DPP10: variants seen among roughly 807,000 people sequenced by gnomAD.
DPP10 encodes the protein inactive dipeptidyl peptidase 10.
A neutral mutation model predicts 120.9 loss-of-function variants in DPP10; 33 were observed. The observed-to-expected ratio is 0.27, with a 90% CI of 0.21 to 0.37. The LOEUF (loss-of-function observed/expected upper bound fraction) is 0.37, where lower values mean the gene tolerates loss of function less well. Among genes scored for constraint, DPP10 ranks in the 10% least tolerant of loss-of-function variants. The pLI, the probability that DPP10 is intolerant of heterozygous loss-of-function variation, is 1.00. For synonymous variants in DPP10, 337 were observed against 326.1 expected, an observed-to-expected ratio of 1.03 and a Z score of -0.36; for missense variants, 816 against 942.8, an observed-to-expected ratio of 0.87 and a Z score of 1.76.
At chr2:115,685,708 G>A (rs964623296) in intron 5 of DPP10, among the ~76,000 whole-genome samples, 1 of 151,936 alleles carries the variant, frequency 6.6e-6, no homozygotes, top group African/African-American at 2.4e-5. Context: ...TTATTGTGGT[G>A]CCTGTATCAA....
intron 4 of DPP10, among the ~76,000 whole-genome samples, chr2:115,524,025 A>G (rs932829398): frequency 2.0e-5 from 3 of 152,184 alleles, no homozygotes; most frequent in Admixed American, 2.0e-4. Flanking sequence ...GCATTGCCAT[A>G]TGGTGATGTC....
At chr2:115,704,838 A>G (rs1437335882) in intron 7 of DPP10, among the ~76,000 whole-genome samples, 2 of 151,984 alleles carry the variant, frequency 1.3e-5, no homozygotes, top group Non-Finnish European at 2.9e-5. Flanking sequence ...CAAAGATAAA[A>G]ATTATCTTAT....
At chr2:115,544,287 A>G (rs1202898192) in intron 5 of DPP10, among the ~76,000 whole-genome samples, 1 of 152,018 alleles carries the variant, frequency 6.6e-6, no homozygotes, top group Non-Finnish European at 1.5e-5. Context: ...TTATAGTTTT[A>G]ATTTCTTGTT....
chr2:115,019,903 T>A (rs1289622700), intron 1 of DPP10, among the ~76,000 whole-genome samples: 1 of 152,194 alleles, frequency 6.6e-6, no homozygotes, highest in Admixed American at 6.5e-5. Flanking sequence ...AAATTTTGTA[T>A]CCAGTGAAAC....
intron 11 of DPP10, among the ~76,000 whole-genome samples, chr2:115,759,780 G>A (rs1209820538): frequency 1.3e-5 from 2 of 152,176 alleles, no homozygotes; most frequent in Non-Finnish European, 2.9e-5. Flanking sequence ...GGAGGCGGAG[G>A]CGGGCAGATC....
rs78838586 is a variant in DPP10 at position 114,528,957 on chromosome 2, G to A, written c.60+86119G>A. ...TTCTGTTTGACCCCTTTCCCCAGAT[G>A]TATTCTTTGTCCTCTGCCCTATTCT... On this transcript the variant is annotated intron_variant, in intron 1 of 25. Coordinates refer to ENST00000410059, the MANE Select transcript of DPP10 (RefSeq NM_020868.6). Among the ~76,000 whole-genome samples, 306 of 152,152 alleles carry A rather than the reference G, an allele frequency of 2.0e-3. 1 individual carries two copies. Among genetic ancestry groups the A allele is most frequent in the African/African-American group, 5.9e-3 (245 of 41,502 alleles).
At chr2:114,734,804 C>T (rs1039695285) in intron 1 of DPP10, among the ~76,000 whole-genome samples, 1 of 152,136 alleles carries the variant, frequency 6.6e-6, no homozygotes, top group East Asian at 1.9e-4. Context: ...TGGCATGGTT[C>T]AAGTATGAGT....
intron 1 of DPP10, among the ~76,000 whole-genome samples, chr2:115,160,246 C>T (rs2052210120): frequency 6.6e-6 from 1 of 151,888 alleles, no homozygotes; most frequent in African/African-American, 2.4e-5. Flanking sequence ...ACAATATGCA[C>T]TGGAATACAT....
intron 7 of DPP10, among the ~76,000 whole-genome samples, chr2:115,720,558 A>G: frequency 6.6e-6 from 1 of 151,046 alleles, no homozygotes; most frequent in East Asian, 1.9e-4. Flanking sequence ...TATCTCTGAT[A>G]AAAAATAACT....
chr2:115,501,946 AT>A (rs1441243614), intron 4 of DPP10, among the ~76,000 whole-genome samples: 2 of 152,072 alleles, frequency 1.3e-5, no homozygotes, highest in African/African-American at 4.8e-5. Context: ...TATAATAATA[AT>A]TAATTGGATC....
At chr2:115,800,286 G>A in intron 19 of DPP10, among the ~76,000 whole-genome samples, 1 of 143,756 alleles carries the variant, frequency 7.0e-6, no homozygotes, top group Non-Finnish European at 1.5e-5. Context: ...GGGGTTGTTT[G>A]TTTTTTTCTT....
At chr2:115,249,780 G>A (rs1247951576) in intron 1 of DPP10, among the ~76,000 whole-genome samples, 1 of 152,132 alleles carries the variant, frequency 6.6e-6, no homozygotes, top group African/African-American at 2.4e-5. Flanking sequence ...AGTATGAAAG[G>A]TTAACCTTAC....
At chr2:115,052,673 C>A (rs184785886) in intron 1 of DPP10, among the ~76,000 whole-genome samples, 2 of 152,090 alleles carry the variant, frequency 1.3e-5, no homozygotes, top group African/African-American at 4.8e-5. Context: ...GAAAACAGGC[C>A]GGGCGTGGTG....
intron 3 of DPP10, among the ~76,000 whole-genome samples, chr2:115,486,780 T>A (rs1011771966): frequency 1.3e-5 from 2 of 152,128 alleles, no homozygotes; most frequent in Non-Finnish European, 2.9e-5. Flanking sequence ...TTGCAAATAA[T>A]CCAAAGAATG....
chr2:114,480,202 A>C (rs1032989398), intron 1 of DPP10, among the ~76,000 whole-genome samples: 1 of 151,086 alleles, frequency 6.6e-6, no homozygotes, highest in Non-Finnish European at 1.5e-5. Flanking sequence ...AAAGTCAGGA[A>C]ACAACAGGTG....
chr2:115,234,170 T>C (rs1369013316), intron 1 of DPP10, among the ~76,000 whole-genome samples: 1 of 152,150 alleles, frequency 6.6e-6, no homozygotes, highest in Non-Finnish European at 1.5e-5. Flanking sequence ...AGAAATAATT[T>C]TTGCATTACA....
intron 1 of DPP10, among the ~76,000 whole-genome samples, chr2:115,203,417 G>A (rs912453711): frequency 1.5e-4 from 23 of 152,184 alleles, no homozygotes; most frequent in African/African-American, 5.3e-4. Context: ...AATGGCATAC[G>A]TGCTTCTTTT....
chr2:114,508,262 T>C (rs1382852707), intron 1 of DPP10, among the ~76,000 whole-genome samples: 1 of 152,180 alleles, frequency 6.6e-6, no homozygotes, highest in African/African-American at 2.4e-5. Context: ...ACTCCTCACT[T>C]CCATTCTCAA....
chr2:114,998,939 T>C (rs1315191049), intron 1 of DPP10, among the ~76,000 whole-genome samples: 1 of 152,224 alleles, frequency 6.6e-6, no homozygotes, highest in Admixed American at 6.5e-5. Flanking sequence ...TCAGGGTTCA[T>C]ATGATTTGAC....
Sources: gnomAD v4.1 joint callset for allele counts (sites outside exome capture counted in the v4.1 genomes callset) on GRCh38, gnomAD v4.1.1 for gene constraint, MANE v1.5 for transcripts, NCBI Gene and HGNC (gene_info 2026-07-23, HGNC 2026-07-21) for gene names.